Variants in DRICH1 observed in about 807,000 individuals in gnomAD.
The protein encoded by DRICH1 is aspartate rich 1, also known as aspartate-rich protein 1.
Under a neutral mutation model 39.5 loss-of-function variants are expected in DRICH1, and 38 were observed. The observed-to-expected ratio is 0.96, with a 90% CI of 0.74 to 1.26. The LOEUF is 1.26. DRICH1 is among the 50% of genes most tolerant of loss of function. The pLI is 0.00. For synonymous variants in DRICH1, 84 were observed against 99.5 expected (o/e 0.84, Z 0.93); for missense variants, 279 against 270.4 (o/e 1.03, Z -0.22).
intron 10 of DRICH1, 106 bp downstream of exon 10, chr22:23,613,533 C>A: frequency 1.0e-6 from 1 of 1,000,936 alleles, no homozygotes; most frequent in Non-Finnish European, 1.6e-6. Context: ...ATCACTTTCA[C>A]GAGAACCCCA....
intron 4 of DRICH1, 126 bp downstream of exon 4, chr22:23,621,940 AGAAAAGAAAAAAGAAACAAAGAAAG>A (rs1569093472): frequency 1.3e-6 from 1 of 769,060 alleles, no homozygotes; most frequent in Non-Finnish European, 2.1e-6. Flanking sequence ...AAAAAAGAAA[AGAAAAGAAAAAAGAAACAAAGAAAG>A]GAAAGAAAAT....
intron 6 of DRICH1, among the ~76,000 whole-genome samples, 193 bp downstream of exon 6, chr22:23,619,171 C>CAA (rs5844565): frequency 0.011 from 922 of 84,596 alleles, 15 homozygotes; most frequent in Non-Finnish European, 0.014. Flanking sequence ...GACTCCGTCT[C>CAA]AAAAAAAAAA....
rs374361093 is a variant in DRICH1, at chr22:23,624,983, G to C, written c.277-79C>G. The C allele has an allele frequency of 2.5e-5, 37 of 1,507,038 alleles. No homozygotes were observed. The African/African-American group carries it at 4.7e-4, about 19-fold the overall frequency. The allele number at this position is 1,507,038 out of a possible 1,614,324, so 93.4% of individuals were successfully genotyped here. On this transcript the variant is annotated intron_variant, in intron 2 of 11. Coordinates refer to ENST00000317749, the MANE Select transcript of DRICH1 (RefSeq NM_016449.4). ...CCCTACACAGATCAGTTATTCTCTT[G>C]ATGACTTCAGAAAACTACTTTTGAA...
At chr22:23,615,228 TAGCCA>T (rs1927284600) in intron 8 of DRICH1, among the ~76,000 whole-genome samples, 1 of 152,056 alleles carries the variant, frequency 6.6e-6, no homozygotes, top group Admixed American at 6.6e-5. Context: ...ACAAAAAAAT[TAGCCA>T]GGCATGGCGG....
chr22:23,624,434 C>T (rs1179707107), intron 3 of DRICH1: 6 of 746,594 alleles, frequency 8.0e-6, no homozygotes, highest in African/African-American at 1.9e-5. Context: ...ACAAACTCAG[C>T]TTCTATTTAC....
At chr22:23,609,479 C>T (rs1208144553) in intron 11 of DRICH1, among the ~76,000 whole-genome samples, 2 of 152,170 alleles carry the variant, frequency 1.3e-5, no homozygotes, top group African/African-American at 2.4e-5. Flanking sequence ...AGCCCTGCAT[C>T]CTGCAGGTGC....
At chr22:23,618,159 G>C (rs1269033751) in intron 6 of DRICH1, among the ~76,000 whole-genome samples, 1 of 147,002 alleles carries the variant, frequency 6.8e-6, no homozygotes, top group East Asian at 2.0e-4. Flanking sequence ...TGTCCCCCAG[G>C]TTGGAGTGCA....
intron 3 of DRICH1, chr22:23,624,108 AGG>A (rs1927922974): frequency 1.0e-6 from 1 of 984,978 alleles, no homozygotes. Flanking sequence ...TTGATACCAG[AGG>A]TAAACAGCAA....
At chr22:23,596,311 A>T in the DRICH1 span, among the ~76,000 whole-genome samples, 1 of 152,112 alleles carries the variant, frequency 6.6e-6, no homozygotes, top group Non-Finnish European at 1.5e-5. Context: ...TCCAGGCTGG[A>T]GTGCAGTGAC....
In DRICH1 at chr22:23,617,621, G is replaced by T; in HGVS notation, c.473C>A (p.Pro158Gln). 8 of 1,614,116 alleles carry T rather than the reference G, an allele frequency of 5.0e-6. No homozygotes were observed. Among genetic ancestry groups the T allele is most frequent in the Non-Finnish European group, 5.9e-6 (7 of 1,180,008 alleles). The change falls in exon 7 of 12, where the codon CCA becomes CAA. Residue 158 changes from proline to glutamine, a missense_variant. Pro to Gln is a moderately conservative substitution (Grantham distance 76, BLOSUM62 -1). Transcript: ENST00000317749. The part of the protein sequence containing the change: ...SEDNLSLVCL[P>Q]RSEDDDCDDD... ...ATCACAGTCATCATCTTCACTTCGT[G>T]GTAGGCATACTAAACTCAGGTTGTC...
chr22:23,625,208 T>C (rs1195525567), intron 2 of DRICH1, among the ~76,000 whole-genome samples: 2 of 152,328 alleles, frequency 1.3e-5, no homozygotes, highest in East Asian at 1.9e-4. Context: ...TTTAAAAACA[T>C]CCTAGTGTGT....
At chr22:23,615,787 TGGTTCTAGC>T in intron 8 of DRICH1, among the ~76,000 whole-genome samples, 1 of 152,276 alleles carries the variant, frequency 6.6e-6, no homozygotes, top group East Asian at 1.9e-4. Context: ...TCAGACAGCA[TGGTTCTAGC>T]ATGGGGGCAC....
intron 8 of DRICH1, among the ~76,000 whole-genome samples, chr22:23,614,509 C>T (rs1331718530): frequency 6.6e-6 from 1 of 152,164 alleles, no homozygotes; most frequent in East Asian, 1.9e-4. Flanking sequence ...TCCTCCCTCT[C>T]AAATGTTTTG....
At chr22:23,617,681 C>G in intron 6 of DRICH1, 24 bp from the exon 7 acceptor site, 1 of 1,611,512 alleles carries the variant, frequency 6.2e-7, no homozygotes, top group Non-Finnish European at 8.5e-7. Flanking sequence ...GAGGAAAGAT[C>G]CGTGCCCTGG....
chr22:23,603,006 C>CTTTTTT, the DRICH1 span, among the ~76,000 whole-genome samples: 2 of 130,028 alleles, frequency 1.5e-5, no homozygotes. Context: ...AACACATTTA[C>CTTTTTT]TTTTTTTTTT....
At chr22:23,621,668 C>T (rs1032413875) in intron 4 of DRICH1, among the ~76,000 whole-genome samples, 1 of 152,176 alleles carries the variant, frequency 6.6e-6, no homozygotes, top group Non-Finnish European at 1.5e-5. Flanking sequence ...AATACCAGCA[C>T]TTTCGGAAGC....
chr22:23,630,281 G>A (rs1928314210), intron 1 of DRICH1, among the ~76,000 whole-genome samples: 1 of 152,202 alleles, frequency 6.6e-6, no homozygotes, highest in Admixed American at 6.5e-5. Context: ...ACTCCCTGGT[G>A]TGGGGTCATA....
At chr22:23,598,594 T>C in the DRICH1 span, among the ~76,000 whole-genome samples, 1 of 152,146 alleles carries the variant, frequency 6.6e-6, no homozygotes, top group Non-Finnish European at 1.5e-5. Context: ...CGCTCTGGGC[T>C]CCTGCAGGCC....
chr22:23,598,483 C>T, the DRICH1 span, among the ~76,000 whole-genome samples: 3,605 of 151,182 alleles, frequency 0.024, 143 homozygotes, highest in African/African-American at 0.084. Flanking sequence ...GTCAAACTGC[C>T]CGAGGTCAAG....
Sources: allele counts gnomAD v4.1 joint callset (sites outside exome capture counted in the v4.1 genomes callset), GRCh38; gene constraint gnomAD v4.1.1; transcripts MANE v1.5; gene names NCBI Gene and HGNC (gene_info 2026-07-23, HGNC 2026-07-21).